The following ARHGAP45 variants were observed in gnomAD, a reference collection of about 807,000 sequenced individuals.
ARHGAP45 encodes Rho GTPase activating protein 45, also known as rho GTPase-activating protein 45.
In ARHGAP45, 56 loss-of-function variants were observed where a neutral mutation model predicts 116.1. That is an observed-to-expected ratio of 0.48 (90% CI 0.39 to 0.60). ARHGAP45 has a LOEUF of 0.60. ARHGAP45 is among the 20% of genes least tolerant of loss of function. ARHGAP45 has a pLI of 0.00. For synonymous variants in ARHGAP45, 866 were observed against 701.7 expected, an observed-to-expected ratio of 1.23 and a Z score of -3.70; for missense variants, 1,622 against 1,601.0, an observed-to-expected ratio of 1.01 and a Z score of -0.22.
chr19:1,075,495 T>C (rs1025866656), intron 10 of ARHGAP45, among the ~76,000 whole-genome samples: 12 of 152,000 alleles, frequency 7.9e-5, no homozygotes, highest in African/African-American at 2.9e-4. Flanking sequence ...TCCACCCGCG[T>C]CGGCCTCCCA....
At position 1,080,873 on chromosome 19, in the gene ARHGAP45, C is replaced by T. The variant is rs1334437309; in HGVS notation, c.2018-19C>T. On this transcript the variant is annotated intron_variant, in intron 16 of 22. Transcript: ENST00000313093. ...CCCTGAGCTGCCTTGGTGACACCGG[C>T]TGCCTGTGCTGCCCGCAGCTGACCT... The T allele has an allele frequency of 9.3e-6, 15 of 1,605,050 alleles. No individual in the cohort carries two copies. The highest frequency in any genetic ancestry group is 1.3e-5 in the Non-Finnish European group (15 of 1,175,094).
chr19:1,081,877 C>A lies in ARHGAP45; in HGVS notation c.2433C>A (p.Ala811=). 1 of 1,613,206 alleles carries A rather than the reference C, an allele frequency of 6.2e-7. No homozygotes were observed. The highest frequency in any genetic ancestry group is 8.5e-7 in the Non-Finnish European group (1 of 1,179,880). Residue 811 remains alanine, a synonymous_variant, in exon 19 of 23, where the codon GCC becomes GCA. Transcript: ENST00000313093. The stretch of plus-strand genomic sequence containing the variant: ...CACGCGTGGAGAAGCTGTGCCAGGC[C>A]TTCGAGAACGGCAAGGAGCTGGTCG... ...VKTRVEKLCQ[A]FENGKELVEL...
intron 22 of ARHGAP45, among the ~76,000 whole-genome samples, chr19:1,085,231 G>C (rs939021436): frequency 3.3e-5 from 5 of 152,140 alleles, no homozygotes; most frequent in African/African-American, 1.2e-4. Context: ...CAAAGGGAGA[G>C]CTTGTGTCCG....
rs2043396025 is a variant in ARHGAP45, at chr19:1,080,370, G to C, written c.1819G>C (p.Asp607His). The stretch of plus-strand genomic sequence containing the variant: ...GTGCACTGAGGGCACACCTGCCAAG[G>C]ACCACAGGGGTGAGTGTCCGGCGGG... ...GGCTEGTPAKDHRAGRGHQVH... is the reference protein window; with the variant it reads ...GGCTEGTPAKHHRAGRGHQVH... Residue 607 changes from aspartate to histidine, a missense_variant, in exon 14 of 23, where the codon GAC (aspartate) becomes CAC (histidine). Asp to His is a moderately conservative substitution (Grantham distance 81). Coordinates refer to ENST00000313093, the MANE Select transcript of ARHGAP45 (RefSeq NM_012292.5). The C allele has an allele frequency of 1.9e-6, 3 of 1,606,996 alleles. No homozygotes were observed. The highest frequency in any genetic ancestry group is 1.3e-5 in the African/African-American group (1 of 74,792).
intron 19 of ARHGAP45, 28 bp from the exon 20 acceptor site, chr19:1,082,812 A>G (rs959816596): frequency 7.5e-6 from 11 of 1,461,872 alleles, no homozygotes; most frequent in African/African-American, 1.4e-5. Context: ...AGGCCCACCA[A>G]CACCTGCTGA....
upstream of ARHGAP45, among the ~76,000 whole-genome samples, chr19:1,066,906 C>A (rs779670738): frequency 1.1e-4 from 17 of 152,094 alleles, no homozygotes; most frequent in Non-Finnish European, 2.1e-4. Context: ...GGTCTGAGGG[C>A]GAGGCTCCAG....
At position 1,086,246 on chromosome 19, in the gene ARHGAP45, G is replaced by T; in HGVS notation, c.*240G>T. ...TGCACCCCGGCTCAGCTGAGCTGGG[G>T]AACACTGCTGTCGTGTGAAGTCACA... On this transcript the variant is annotated 3_prime_UTR_variant, in exon 23 of 23. Transcript: ENST00000313093. 1.9e-6 allele frequency: 1 copy of T among 530,678 alleles called. No individual in the cohort carries two copies. The highest frequency in any genetic ancestry group is 3.4e-6 in the Non-Finnish European group (1 of 295,214). The allele number at this position is 530,678 out of a possible 1,614,324, so 32.9% of individuals were successfully genotyped here.
At chr19:1,085,532 ATCTCTCCTGTCTCTCCATC>A (rs2043592784) in intron 22 of ARHGAP45, 109 bp from the exon 23 acceptor site, 1 of 573,168 alleles carries the variant, frequency 1.7e-6, no homozygotes, top group African/African-American at 2.8e-5. Context: ...GTCTCTCCCC[ATCTCTCCTGTCTCTCCATC>A]TCTCTCCCCC....
chr19:1,082,746 T>G, intron 19 of ARHGAP45, 94 bp from the exon 20 acceptor site: 3 of 1,107,574 alleles, frequency 2.7e-6, no homozygotes, highest in Non-Finnish European at 3.7e-6. Flanking sequence ...TGGCCAGTGC[T>G]CTGTGGGGGT....
chr19:1,072,182 C>A (rs2043153648), intron 2 of ARHGAP45, among the ~76,000 whole-genome samples: 1 of 152,172 alleles, frequency 6.6e-6, no homozygotes, highest in Non-Finnish European at 1.5e-5. Flanking sequence ...CTGCCTCAGC[C>A]TCCCGAGTAG....
chr19:1,069,745 G>A lies in ARHGAP45; in HGVS notation c.421+1001G>A, dbSNP rs1162133842. 4.6e-5 allele frequency among the ~76,000 whole-genome samples: 7 copies of A among 152,092 alleles called. No individual in the cohort carries two copies. The highest frequency in any genetic ancestry group is 1.7e-4 in the African/African-American group (7 of 41,490). On this transcript the variant is annotated intron_variant, in intron 2 of 22. Transcript: ENST00000313093. This position sits in a 1 kb window ranked among gnomAD's most constrained non-coding sequence, Gnocchi z 4.1. ...TTCCGATCCTGGCGCTTCCTTGGAG[G>A]CCTGGCCTGGGCGGGGCTCAGCTCC... is the stretch of plus-strand genomic sequence containing the variant.
At chr19:1,081,181 C>A in intron 17 of ARHGAP45, 117 bp downstream of exon 17, 1 of 1,210,696 alleles carries the variant, frequency 8.3e-7, no homozygotes, top group East Asian at 2.5e-5. Context: ...CAGTCGGACG[C>A]CTTTGGAAGG....
At chr19:1,073,474 C>A in intron 3 of ARHGAP45, 32 bp from the exon 4 acceptor site, 1 of 1,602,484 alleles carries the variant, frequency 6.2e-7, no homozygotes, top group Non-Finnish European at 8.5e-7. Flanking sequence ...CCAGAGTGGG[C>A]CCACCTCCTT....
intron 22 of ARHGAP45, among the ~76,000 whole-genome samples, chr19:1,084,701 G>A (rs542146634): frequency 2.6e-5 from 4 of 152,180 alleles, no homozygotes; most frequent in South Asian, 2.1e-4. Context: ...TTTGACCCAC[G>A]TGGGGCCAGC....
At chr19:1,066,047 C>T, upstream of ARHGAP45, 1 of 1,535,662 alleles carries the variant, frequency 6.5e-7, no homozygotes, top group Non-Finnish European at 8.7e-7. Context: ...GCAAAGAGTT[C>T]TCAAGGGTCT....
At position 1,073,567 on chromosome 19, in the gene ARHGAP45, G is replaced by A. The variant is rs533802289; in HGVS notation, c.627G>A (p.Thr209=). 44 of 1,613,840 alleles carry A rather than the reference G, an allele frequency of 2.7e-5. No homozygotes were observed. Among genetic ancestry groups the A allele is most frequent in the Non-Finnish European group, 3.6e-5 (42 of 1,179,934 alleles). Residue 209 remains threonine (T), a synonymous_variant, in exon 4 of 23, where the codon ACG becomes ACA. Transcript: ENST00000313093. Reference sequence around the variant, plus strand: ...AGGAGTTCGAGAAGGCCCTGGAGACGATTGCTGTGGCCTTCAGTAGCACGT... The same window carrying A: ...AGGAGTTCGAGAAGGCCCTGGAGACAATTGCTGTGGCCTTCAGTAGCACGT... ...EKQEFEKALE[T]IAVAFSSTVS... is the part of the protein sequence containing the mutation.
intron 22 of ARHGAP45, 85 bp from the exon 23 acceptor site, chr19:1,085,575 C>T (rs2145105502): frequency 2.2e-6 from 2 of 915,998 alleles, no homozygotes; most frequent in East Asian, 5.6e-5. Flanking sequence ...TCCTGTCTCT[C>T]CCCATCTCTC....
chr19:1,083,610 C>T (rs1251824769), intron 21 of ARHGAP45, among the ~76,000 whole-genome samples: 2 of 152,230 alleles, frequency 1.3e-5, no homozygotes, highest in Non-Finnish European at 2.9e-5. Flanking sequence ...TTGGGCCTCA[C>T]CCTTCACCCC....
At chr19:1,077,790 A>G in intron 10 of ARHGAP45, 67 bp from the exon 11 acceptor site, 1 of 1,549,294 alleles carries the variant, frequency 6.5e-7, no homozygotes, top group South Asian at 1.2e-5. Context: ...GGAAAGGAGG[A>G]GCTGGGGAGA....
Sources: allele counts gnomAD v4.1 joint callset (sites outside exome capture counted in the v4.1 genomes callset), GRCh38; gene constraint gnomAD v4.1.1; non-coding constraint Gnocchi (gnomAD v3.1); transcripts MANE v1.5; gene names NCBI Gene and HGNC (gene_info 2026-07-23, HGNC 2026-07-21).